The following THADA variants were observed in gnomAD, a reference collection of about 807,000 sequenced individuals.
THADA encodes the protein tRNA (32-2'-O)-methyltransferase regulator THADA.
A neutral mutation model predicts 219.8 loss-of-function variants in THADA; 213 were observed. The observed-to-expected ratio is 0.97, with a 90% CI of 0.87 to 1.09. The LOEUF (loss-of-function observed/expected upper bound fraction) is 1.09, where lower values mean the gene tolerates loss of function less well. Ranked by LOEUF, THADA falls within the 50% of genes least tolerant of loss-of-function variation. The pLI is 0.00. For synonymous variants in THADA, 1,018 were observed against 828.9 expected (o/e 1.23, Z -3.92); for missense variants, 2,956 against 2,311.3 (o/e 1.28, Z -5.72).
At chr2:43,537,566 T>G (rs1395133424) in intron 21 of THADA, among the ~76,000 whole-genome samples, 2 of 152,210 alleles carry the variant, frequency 1.3e-5, no homozygotes, top group Admixed American at 1.3e-4. Context: ...ATATATCCCA[T>G]TTGTAGTTCA....
intron 36 of THADA, among the ~76,000 whole-genome samples, chr2:43,243,354 T>C (rs1303488927): frequency 6.6e-6 from 1 of 152,154 alleles, no homozygotes; most frequent in Non-Finnish European, 1.5e-5. Context: ...ATTTAGTAGG[T>C]AGGGGCTAGA....
At chr2:43,510,721 A>G (rs1328631891) in intron 22 of THADA, among the ~76,000 whole-genome samples, 1 of 151,492 alleles carries the variant, frequency 6.6e-6, no homozygotes, top group Non-Finnish European at 1.5e-5. Flanking sequence ...CTGTAATCCC[A>G]GCATTTTGGG....
At chr2:43,540,342 C>T (rs184654086) in intron 21 of THADA, among the ~76,000 whole-genome samples, 12 of 152,296 alleles carry the variant, frequency 7.9e-5, no homozygotes, top group Non-Finnish European at 1.5e-4. Flanking sequence ...ACATAAGCCA[C>T]AGAGTGTGAG....
intron 36 of THADA, among the ~76,000 whole-genome samples, chr2:43,260,270 G>C (rs981761970): frequency 1.3e-5 from 2 of 152,158 alleles, no homozygotes; most frequent in African/African-American, 4.8e-5. Flanking sequence ...ATAAGATACA[G>C]GGAAATGACA....
chr2:43,376,612 C>T (rs1671409082), intron 29 of THADA, among the ~76,000 whole-genome samples: 1 of 152,202 alleles, frequency 6.6e-6, no homozygotes, highest in Admixed American at 6.5e-5. Context: ...TACTAGGTTT[C>T]TGAGCCCCAA....
intron 27 of THADA, among the ~76,000 whole-genome samples, chr2:43,429,400 C>G (rs1479770408): frequency 1.3e-5 from 2 of 152,102 alleles, no homozygotes; most frequent in African/African-American, 2.4e-5. Flanking sequence ...AGCCACCACA[C>G]CAGCCAGAAT....
intron 14 of THADA, 62 bp downstream of exon 14, chr2:43,570,326 G>C: frequency 6.9e-7 from 1 of 1,451,538 alleles, no homozygotes; most frequent in Non-Finnish European, 9.3e-7. Context: ...TCCCTTTAAT[G>C]CTTATTCATA....
At chr2:43,591,928 C>A (rs771785455) in intron 3 of THADA, 24 bp downstream of exon 3, 2 of 1,438,100 alleles carry the variant, frequency 1.4e-6, no homozygotes, top group Non-Finnish European at 1.9e-6. Flanking sequence ...AAAGATGCAT[C>A]CATGAATATC....
chr2:43,495,897 T>C (rs936328050), intron 25 of THADA, among the ~76,000 whole-genome samples: 5 of 152,208 alleles, frequency 3.3e-5, no homozygotes, highest in African/African-American at 1.2e-4. Flanking sequence ...GTAAACTCTG[T>C]GTCCTCAAGA....
intron 26 of THADA, among the ~76,000 whole-genome samples, chr2:43,455,435 T>C (rs1682866815): frequency 6.6e-6 from 1 of 152,138 alleles, no homozygotes; most frequent in Non-Finnish European, 1.5e-5. Context: ...CAGCTGTTTC[T>C]TGGTATGCCT....
chr2:43,293,442 C>T (rs946834952), intron 31 of THADA, among the ~76,000 whole-genome samples: 1 of 152,082 alleles, frequency 6.6e-6, no homozygotes, highest in Non-Finnish European at 1.5e-5. Context: ...AAAGGCATTA[C>T]TATTAGAAAA....
At chr2:43,315,623 T>G (rs1328291503) in intron 31 of THADA, among the ~76,000 whole-genome samples, 2 of 151,952 alleles carry the variant, frequency 1.3e-5, no homozygotes, top group Non-Finnish European at 1.5e-5. Context: ...TAACACCATG[T>G]CCAGCTAATT....
chr2:43,306,960 C>A (rs752634347), intron 31 of THADA, among the ~76,000 whole-genome samples: 2 of 152,186 alleles, frequency 1.3e-5, no homozygotes, highest in Non-Finnish European at 2.9e-5. Context: ...TTATCCCAAT[C>A]CTCTGAGGGT....
At chr2:43,459,761 C>G (rs959437351) in intron 26 of THADA, among the ~76,000 whole-genome samples, 1 of 152,142 alleles carries the variant, frequency 6.6e-6, no homozygotes, top group Non-Finnish European at 1.5e-5. Flanking sequence ...CAGAGTCTGG[C>G]CCAAGCTTCC....
At chr2:43,353,880 C>T (rs1053685579) in intron 29 of THADA, among the ~76,000 whole-genome samples, 3 of 149,868 alleles carry the variant, frequency 2.0e-5, no homozygotes, top group Non-Finnish European at 4.4e-5. Context: ...TGCAGTGGTG[C>T]GTTCTTGGCT....
intron 26 of THADA, among the ~76,000 whole-genome samples, chr2:43,475,858 A>G (rs966702470): frequency 1.3e-5 from 2 of 152,262 alleles, no homozygotes. Context: ...ATATTTTCCT[A>G]TTAAGCTAAA....
chr2:43,590,716 T>C, intron 4 of THADA, 108 bp downstream of exon 4: 3 of 1,188,824 alleles, frequency 2.5e-6, no homozygotes, highest in Non-Finnish European at 3.6e-6. Context: ...GAATGAACTT[T>C]TTGTGATCTG....
At chr2:43,256,740 C>G (rs902900396) in intron 36 of THADA, among the ~76,000 whole-genome samples, 1 of 151,598 alleles carries the variant, frequency 6.6e-6, no homozygotes, top group African/African-American at 2.4e-5. Context: ...CATCAAGCCC[C>G]CCTAATTTTC....
At chr2:43,442,607 A>AT (rs977605766) in intron 26 of THADA, among the ~76,000 whole-genome samples, 1 of 152,032 alleles carries the variant, frequency 6.6e-6, no homozygotes, top group Non-Finnish European at 1.5e-5. Context: ...TCTGGCATTA[A>AT]TTTTTTTTAG....
Sources: gnomAD v4.1 joint callset for allele counts (sites outside exome capture counted in the v4.1 genomes callset) on GRCh38, gnomAD v4.1.1 for gene constraint, MANE v1.5 for transcripts, NCBI Gene and HGNC (gene_info 2026-07-23, HGNC 2026-07-21) for gene names.